Variants in TTC34 observed in about 807,000 individuals in gnomAD.
TTC34 encodes tetratricopeptide repeat domain 34.
TTC34 carries 44 observed loss-of-function variants against 40.7 expected under a neutral mutation model. That is an observed-to-expected ratio of 1.08 (90% CI 0.85 to 1.39). TTC34 has a LOEUF of 1.39. Among genes scored for constraint, TTC34 ranks in the 40% most tolerant of loss-of-function variants. The pLI, the probability that TTC34 is intolerant of heterozygous loss-of-function variation, is 0.00. For missense variants in TTC34, 884 were observed against 838.0 expected (o/e 1.05, Z -0.68); for synonymous variants, 422 against 398.6 (o/e 1.06, Z -0.70).
In TTC34 at chr1:2,796,682, T is replaced by C. The variant is rs115239834; in HGVS notation, c.784+3362A>G. The stretch of plus-strand genomic sequence containing the variant: ...AGGCCCCCTCCCTCCTGGAGCCCCC[T>C]TGCTGTGGGCATGGTCCTCACCAGC... On this transcript the variant is annotated intron_variant, in intron 2 of 8. Transcript: ENST00000401095. The surrounding 1 kb of genome is among the most constrained non-coding windows in gnomAD (Gnocchi z 4.5). Among the ~76,000 whole-genome samples the C allele has an allele frequency of 3.1e-3, 477 of 152,272 alleles. 1 individual carries two copies. Among genetic ancestry groups the C allele is most frequent in the African/African-American group, 0.011 (449 of 41,556 alleles).
intron 6 of TTC34, among the ~76,000 whole-genome samples, chr1:2,684,951 C>T (rs547216292): frequency 6.0e-5 from 8 of 134,076 alleles, no homozygotes; most frequent in Admixed American, 7.5e-5. Context: ...TGGAGCACCA[C>T]CCACACCCCC....
intron 6 of TTC34, among the ~76,000 whole-genome samples, chr1:2,686,552 G>T (rs1288947070): frequency 8.5e-6 from 1 of 117,196 alleles, no homozygotes; most frequent in Admixed American, 9.3e-5. Context: ...GCCTGGAACA[G>T]CACGCACACA....
chr1:2,757,827 C>CT (rs1641556937), intron 6 of TTC34, among the ~76,000 whole-genome samples: 1 of 148,720 alleles, frequency 6.7e-6, no homozygotes, highest in Non-Finnish European at 1.5e-5. Flanking sequence ...GAGCAGCACC[C>CT]ACACCCCCAG....
At chr1:2,797,906 C>T (rs929612923) in intron 2 of TTC34, among the ~76,000 whole-genome samples, 4 of 152,022 alleles carry the variant, frequency 2.6e-5, no homozygotes, top group Non-Finnish European at 5.9e-5. Flanking sequence ...CCCACAATCT[C>T]GTCACTTCTA....
chr1:2,779,468 C>A (rs137927857), intron 6 of TTC34, among the ~76,000 whole-genome samples: 10 of 152,058 alleles, frequency 6.6e-5, no homozygotes, highest in Non-Finnish European at 1.5e-4. Flanking sequence ...GGATTACAGG[C>A]GCGTGCCACC....
chr1:2,685,834 C>A (rs1382768437), intron 6 of TTC34, among the ~76,000 whole-genome samples: 1 of 144,614 alleles, frequency 6.9e-6, no homozygotes, highest in Admixed American at 7.1e-5. Flanking sequence ...GAACGGCACC[C>A]CCATGCCCAG....
chr1:2,657,423 C>T (rs557194718), intron 6 of TTC34, among the ~76,000 whole-genome samples: 2 of 89,334 alleles, frequency 2.2e-5, no homozygotes, highest in East Asian at 2.5e-4. Context: ...ACCAGTACCC[C>T]CAGGCGAGCA....
At chr1:2,694,202 TGTGACAG>T (rs1640757647) in intron 6 of TTC34, among the ~76,000 whole-genome samples, 2 of 93,754 alleles carry the variant, frequency 2.1e-5, no homozygotes, top group African/African-American at 3.6e-5. Flanking sequence ...CAGGTGAGCA[TGTGACAG>T]CCTGGATCAG....
intron 6 of TTC34, among the ~76,000 whole-genome samples, chr1:2,687,629 C>G (rs1363527802): frequency 1.4e-5 from 2 of 142,554 alleles, no homozygotes; most frequent in East Asian, 2.0e-4. Flanking sequence ...AGCTGATATC[C>G]TGGAACAGCA....
chr1:2,690,562 A>C (rs1416855270), intron 6 of TTC34, among the ~76,000 whole-genome samples: 34 of 117,864 alleles, frequency 2.9e-4, no homozygotes, highest in African/African-American at 4.3e-4. Flanking sequence ...ATCTGACCGC[A>C]TGGAGCAGCA....
At chr1:2,684,040 A>T (rs796520512) in intron 6 of TTC34, among the ~76,000 whole-genome samples, 1 of 1,040 alleles carries the variant, frequency 9.6e-4, no homozygotes, top group African/African-American at 3.1e-3. Context: ...CTGCAGCCCC[A>T]GGTGAGCATT....
At chr1:2,775,841 A>T (rs1258660906) in intron 6 of TTC34, among the ~76,000 whole-genome samples, 1 of 144,664 alleles carries the variant, frequency 6.9e-6, no homozygotes, top group African/African-American at 2.8e-5. Context: ...CCCCTGGGTG[A>T]GGATGCTCAC....
chr1:2,767,403 C>G (rs1641800731), intron 6 of TTC34, among the ~76,000 whole-genome samples: 6 of 143,660 alleles, frequency 4.2e-5, no homozygotes, highest in African/African-American at 7.7e-5. Context: ...CACCCACACC[C>G]CCAGGTGAGC....
chr1:2,778,047 C>T (rs1168276844), intron 6 of TTC34, among the ~76,000 whole-genome samples: 1 of 152,238 alleles, frequency 6.6e-6, no homozygotes, highest in Admixed American at 6.5e-5. Flanking sequence ...AAATGCATGT[C>T]TCCCTCCCTG....
exon 9 of TTC34, chr1:2,637,941 G>T (rs964645894): frequency 3.9e-5 from 6 of 152,346 alleles, no homozygotes; most frequent in African/African-American, 2.4e-5. Flanking sequence ...TTGGCATGGG[G>T]ATGTCTGGTT....
exon 9 of TTC34, chr1:2,637,259 GATCA>G (rs1167736621): frequency 6.6e-6 from 1 of 151,312 alleles, no homozygotes; most frequent in African/African-American, 2.4e-5. Flanking sequence ...GAAGGGTGGG[GATCA>G]ATCAGAGGAA....
intron 6 of TTC34, among the ~76,000 whole-genome samples, chr1:2,781,177 C>A (rs537609667): frequency 1.1e-4 from 16 of 152,224 alleles, no homozygotes; most frequent in Middle Eastern, 3.4e-3. Flanking sequence ...CCCTCGTACA[C>A]AGAGGGCCAA....
intron 6 of TTC34, among the ~76,000 whole-genome samples, chr1:2,688,139 C>T (rs1177602466): frequency 1.2e-4 from 18 of 149,156 alleles, no homozygotes; most frequent in African/African-American, 4.5e-4. Flanking sequence ...CCCAGGCGAG[C>T]ATCTGACGGC....
chr1:2,677,625 C>G (rs1384807404), intron 6 of TTC34, among the ~76,000 whole-genome samples: 1 of 151,328 alleles, frequency 6.6e-6, no homozygotes, highest in African/African-American at 2.4e-5. Context: ...AGGTGAGCAT[C>G]TGACAGCCTG....
Sources: allele counts gnomAD v4.1 joint callset (sites outside exome capture counted in the v4.1 genomes callset), GRCh38; gene constraint gnomAD v4.1.1; non-coding constraint Gnocchi (gnomAD v3.1); transcripts MANE v1.5; gene names NCBI Gene and HGNC (gene_info 2026-07-23, HGNC 2026-07-21).